Variants in RANBP2 observed in about 807,000 individuals in gnomAD.
RANBP2 encodes the protein RAN binding protein 2, also known as E3 SUMO-protein ligase RanBP2.
Under a neutral mutation model 303.6 loss-of-function variants are expected in RANBP2, and 57 were observed. The ratio of observed to expected loss-of-function variants is 0.19; its 90% CI spans 0.15 to 0.23. The LOEUF (loss-of-function observed/expected upper bound fraction) is 0.23. Ranked by LOEUF, RANBP2 falls within the 10% of genes least tolerant of loss-of-function variation. RANBP2 has a pLI of 1.00. For missense variants in RANBP2, 3,138 were observed against 3,780.8 expected (o/e 0.83, Z 4.46); for synonymous variants, 1,167 against 1,301.5 (o/e 0.90, Z 2.23).
downstream of RANBP2, among the ~76,000 whole-genome samples, chr2:108,787,379 A>T (rs528072591): frequency 6.6e-6 from 1 of 152,226 alleles, no homozygotes; most frequent in South Asian, 2.1e-4. Context: ...CCTCCCTACA[A>T]ACGCATTTTT....
the RANBP2 span, among the ~76,000 whole-genome samples, chr2:109,520,598 C>CAAAAAAAAA: frequency 5.8e-4 from 29 of 50,104 alleles, no homozygotes; most frequent in Non-Finnish European, 8.0e-4. Context: ...GACTCCATCT[C>CAAAAAAAAA]AAAAAAAAAA....
chr2:109,047,114 C>G, the RANBP2 span, among the ~76,000 whole-genome samples: 1 of 151,990 alleles, frequency 6.6e-6, no homozygotes, highest in Non-Finnish European at 1.5e-5. Context: ...CCTGGTGCTC[C>G]TCTGGCAGCA....
the RANBP2 span, chr2:108,910,656 G>T: frequency 7.0e-7 from 1 of 1,418,770 alleles, no homozygotes; most frequent in Non-Finnish European, 9.9e-7. Flanking sequence ...CCACCCCACG[G>T]TAAGCACAGT....
At chr2:109,615,654 G>A in the RANBP2 span, 1 of 1,613,832 alleles carries the variant, frequency 6.2e-7, no homozygotes. Flanking sequence ...CATCGCCGAG[G>A]AGATCAAGAA....
At chr2:109,152,456 T>C in the RANBP2 span, among the ~76,000 whole-genome samples, 1,132 of 152,360 alleles carry the variant, frequency 7.4e-3, 8 homozygotes, top group Non-Finnish European at 0.011. Context: ...ATAATAGCCT[T>C]GTTCCGGGTG....
At chr2:108,792,679 C>T in the RANBP2 span, among the ~76,000 whole-genome samples, 1 of 152,292 alleles carries the variant, frequency 6.6e-6, no homozygotes, top group East Asian at 1.9e-4. Context: ...ATTTTTACTT[C>T]TCCGTTGTCT....
chr2:109,162,331 C>G, the RANBP2 span, among the ~76,000 whole-genome samples: 1 of 152,224 alleles, frequency 6.6e-6, no homozygotes, highest in African/African-American at 2.4e-5. Flanking sequence ...GTTGCTCTGA[C>G]ACGTAAGCCC....
At chr2:109,505,676 G>A in the RANBP2 span, among the ~76,000 whole-genome samples, 1 of 152,274 alleles carries the variant, frequency 6.6e-6, no homozygotes, top group South Asian at 2.1e-4. Flanking sequence ...CATTTGCTAC[G>A]TGAGCAATCA....
the RANBP2 span, among the ~76,000 whole-genome samples, chr2:108,989,980 C>T: frequency 5.3e-5 from 8 of 152,172 alleles, no homozygotes; most frequent in Non-Finnish European, 1.0e-4. Flanking sequence ...CAAGGTAACT[C>T]ACACATGAGA....
chr2:109,153,475 A>G, the RANBP2 span, among the ~76,000 whole-genome samples: 1 of 152,228 alleles, frequency 6.6e-6, no homozygotes, highest in Non-Finnish European at 1.5e-5. Context: ...GACATGAAAT[A>G]ACTGAAACTT....
chr2:108,924,992 A>G, the RANBP2 span, among the ~76,000 whole-genome samples: 1 of 152,026 alleles, frequency 6.6e-6, no homozygotes, highest in East Asian at 1.9e-4. Flanking sequence ...CCTGCTCCCC[A>G]TCTCACCTCC....
chr2:109,002,432 C>G, the RANBP2 span, among the ~76,000 whole-genome samples: 1 of 152,232 alleles, frequency 6.6e-6, no homozygotes, highest in Non-Finnish European at 1.5e-5. Context: ...CTCCTTGCTT[C>G]CATCCTCCAC....
chr2:109,620,787 T>C, the RANBP2 span, among the ~76,000 whole-genome samples: 1 of 152,192 alleles, frequency 6.6e-6, no homozygotes, highest in African/African-American at 2.4e-5. Flanking sequence ...TGGCCTTAAA[T>C]AGTCTAAGTA....
chr2:109,158,636 A>G, the RANBP2 span, among the ~76,000 whole-genome samples: 2 of 152,160 alleles, frequency 1.3e-5, no homozygotes, highest in Non-Finnish European at 2.9e-5. Flanking sequence ...GGCTTGAGGG[A>G]TCTAAGTCGT....
At chr2:109,229,888 A>G in the RANBP2 span, among the ~76,000 whole-genome samples, 245 of 146,154 alleles carry the variant, frequency 1.7e-3, 1 homozygote, top group African/African-American at 6.1e-3. Flanking sequence ...GCAGTGGCGC[A>G]ATCTTGGCTC....
chr2:108,862,207 A>G, the RANBP2 span, among the ~76,000 whole-genome samples: 1 of 151,958 alleles, frequency 6.6e-6, no homozygotes, highest in African/African-American at 2.4e-5. Flanking sequence ...AAAAAAAAAC[A>G]AAACAGGAAA....
chr2:108,884,242 G>T, the RANBP2 span: 1 of 152,302 alleles, frequency 6.6e-6, no homozygotes, highest in African/African-American at 2.4e-5. Flanking sequence ...AGTTATCTGG[G>T]CCCAACTTGC....
chr2:109,235,775 C>T, the RANBP2 span, among the ~76,000 whole-genome samples: 9 of 152,210 alleles, frequency 5.9e-5, no homozygotes, highest in African/African-American at 2.2e-4. Context: ...TACTGAGCCC[C>T]TCTCTCCCTG....
the RANBP2 span, among the ~76,000 whole-genome samples, chr2:109,146,020 T>C: frequency 6.9e-6 from 1 of 144,328 alleles, no homozygotes; most frequent in Non-Finnish European, 1.5e-5. Context: ...TGTCCTTGTC[T>C]ATGTGGGCCG....
Sources: gnomAD v4.1 joint callset for allele counts (sites outside exome capture counted in the v4.1 genomes callset) on GRCh38, gnomAD v4.1.1 for gene constraint, MANE v1.5 for transcripts, NCBI Gene and HGNC (gene_info 2026-07-23, HGNC 2026-07-21) for gene names.